SLC39A11: variants seen among roughly 807,000 people sequenced by gnomAD.
The protein encoded by SLC39A11 is zinc transporter ZIP11.
SLC39A11 carries 33 observed loss-of-function variants against 36.1 expected under a neutral mutation model. The observed-to-expected ratio is 0.91, with a 90% CI of 0.69 to 1.22. The LOEUF is 1.22. SLC39A11 is among the 50% of genes most tolerant of loss of function. The pLI, the probability that SLC39A11 is intolerant of heterozygous loss-of-function variation, is 0.00. For missense variants in SLC39A11, 432 were observed against 430.3 expected (o/e 1.00, Z -0.03); for synonymous variants, 166 against 170.3 (o/e 0.97, Z 0.20).
intron 4 of SLC39A11, among the ~76,000 whole-genome samples, chr17:73,009,138 C>T (rs934002054): frequency 2.1e-4 from 32 of 150,270 alleles, no homozygotes; most frequent in African/African-American, 6.4e-4. Context: ...CCAAGGCGGG[C>T]GGATCACAAG....
intron 7 of SLC39A11, among the ~76,000 whole-genome samples, chr17:72,733,443 G>T (rs541559292): frequency 1.8e-4 from 28 of 152,170 alleles, no homozygotes; most frequent in African/African-American, 6.7e-4. Flanking sequence ...ACGGGTGCAT[G>T]AATGAATGAA....
intron 4 of SLC39A11, among the ~76,000 whole-genome samples, chr17:73,015,334 C>T (rs981947315): frequency 3.3e-5 from 5 of 152,184 alleles, no homozygotes; most frequent in Non-Finnish European, 5.9e-5. Context: ...TCTCACTCTT[C>T]CAAATTATTC....
At chr17:73,092,010 C>T (rs2060940607) in intron 1 of SLC39A11, 1 of 152,226 alleles carries the variant, frequency 6.6e-6, no homozygotes, top group African/African-American at 2.4e-5. Flanking sequence ...CATGCCCTAA[C>T]TCCACGAGGG....
intron 7 of SLC39A11, among the ~76,000 whole-genome samples, chr17:72,682,089 C>G (rs780793492): frequency 6.6e-6 from 1 of 152,182 alleles, no homozygotes; most frequent in African/African-American, 2.4e-5. Context: ...CGAACCCTAT[C>G]GTGAACCGCA....
chr17:73,009,518 A>C (rs1289269149), intron 4 of SLC39A11, among the ~76,000 whole-genome samples: 1 of 152,136 alleles, frequency 6.6e-6, no homozygotes, highest in Non-Finnish European at 1.5e-5. Flanking sequence ...CCACAAAAAC[A>C]AAGTGGATTA....
At chr17:72,708,937 TTTC>T (rs1363138879) in intron 7 of SLC39A11, among the ~76,000 whole-genome samples, 11 of 135,236 alleles carry the variant, frequency 8.1e-5, no homozygotes, top group African/African-American at 3.7e-4. Flanking sequence ...CCTTTTTTCT[TTTC>T]TTTTTTTTTT....
intron 6 of SLC39A11, among the ~76,000 whole-genome samples, chr17:72,754,045 T>TATAC (rs1491202409): frequency 5.6e-5 from 3 of 53,270 alleles, no homozygotes; most frequent in African/African-American, 1.2e-4. Context: ...TATATATATA[T>TATAC]ACACATACAC....
chr17:72,666,787 C>A (rs1327146036), intron 7 of SLC39A11, among the ~76,000 whole-genome samples: 1 of 152,246 alleles, frequency 6.6e-6, no homozygotes, highest in Non-Finnish European at 1.5e-5. Flanking sequence ...ATGCTCCCTT[C>A]CCTCCGTGGC....
At chr17:73,069,916 A>T (rs560091570) in intron 3 of SLC39A11, among the ~76,000 whole-genome samples, 1 of 152,210 alleles carries the variant, frequency 6.6e-6, no homozygotes, top group African/African-American at 2.4e-5. Context: ...TACAAAAAAA[A>T]AGTATAAAGT....
chr17:72,828,669 ACCTGTGGGCCATGGGTG>A (rs1228795013), intron 6 of SLC39A11, among the ~76,000 whole-genome samples: 1 of 152,160 alleles, frequency 6.6e-6, no homozygotes, highest in Non-Finnish European at 1.5e-5. Flanking sequence ...GGGTTTTCGC[ACCTGTGGGCCATGGGTG>A]CCCCCGGGGA....
chr17:73,058,206 A>C (rs2059732004), intron 3 of SLC39A11, among the ~76,000 whole-genome samples: 1 of 152,164 alleles, frequency 6.6e-6, no homozygotes, highest in Non-Finnish European at 1.5e-5. Flanking sequence ...CTTGGCAAAT[A>C]ATACTATTTT....
At chr17:72,793,319 G>T (rs1017453000) in intron 6 of SLC39A11, among the ~76,000 whole-genome samples, 2 of 152,098 alleles carry the variant, frequency 1.3e-5, no homozygotes, top group African/African-American at 4.8e-5. Context: ...GGTTTTGGCT[G>T]GCACATCTTA....
chr17:72,958,509 A>AT (rs2147885293), intron 4 of SLC39A11, among the ~76,000 whole-genome samples: 1 of 152,340 alleles, frequency 6.6e-6, no homozygotes, highest in Non-Finnish European at 1.5e-5. Flanking sequence ...TAAGAAAAAA[A>AT]CAAACAATCC....
chr17:72,702,918 C>CA (rs2072716299), intron 7 of SLC39A11, among the ~76,000 whole-genome samples: 1 of 128,270 alleles, frequency 7.8e-6, no homozygotes, highest in South Asian at 2.5e-4. Flanking sequence ...GCCTGGGTGA[C>CA]AGAGTGAGAC....
At chr17:72,803,460 T>C (rs1160319218) in intron 6 of SLC39A11, among the ~76,000 whole-genome samples, 2 of 152,250 alleles carry the variant, frequency 1.3e-5, no homozygotes, top group Non-Finnish European at 1.5e-5. Context: ...AGGACCTGCC[T>C]GAGGCCCAAA....
intron 7 of SLC39A11, among the ~76,000 whole-genome samples, chr17:72,716,122 GC>G (rs139330529): frequency 0.042 from 6,444 of 152,024 alleles, 173 homozygotes; most frequent in African/African-American, 0.063. Context: ...GCCCAAGGGA[GC>G]CCCCCTGCAT....
chr17:72,778,821 T>C (rs2076215212), intron 6 of SLC39A11, among the ~76,000 whole-genome samples: 1 of 152,194 alleles, frequency 6.6e-6, no homozygotes, highest in Non-Finnish European at 1.5e-5. Flanking sequence ...CCTAATCTAA[T>C]AAAGGTTGGG....
intron 6 of SLC39A11, among the ~76,000 whole-genome samples, chr17:72,806,593 T>C (rs1270155963): frequency 6.6e-6 from 1 of 151,944 alleles, no homozygotes; most frequent in African/African-American, 2.4e-5. Flanking sequence ...ACTTTTGCAC[T>C]TTTTTTTGAG....
intron 4 of SLC39A11, among the ~76,000 whole-genome samples, chr17:73,028,120 C>T (rs535564135): frequency 6.6e-6 from 1 of 152,170 alleles, no homozygotes; most frequent in Non-Finnish European, 1.5e-5. Flanking sequence ...GGGACTCCAT[C>T]ATCAGGGGAA....
Sources: allele counts gnomAD v4.1 joint callset (sites outside exome capture counted in the v4.1 genomes callset), GRCh38; gene constraint gnomAD v4.1.1; transcripts MANE v1.5; gene names NCBI Gene and HGNC (gene_info 2026-07-23, HGNC 2026-07-21).